KLHL1: variants seen among roughly 807,000 people sequenced by gnomAD.
KLHL1 encodes kelch-like protein 1.
In KLHL1, 47 loss-of-function variants were observed where a neutral mutation model predicts 77.7. The ratio of observed to expected loss-of-function variants is 0.60; its 90% confidence interval spans 0.48 to 0.77. KLHL1 has a LOEUF of 0.77. Among genes scored for constraint, KLHL1 ranks in the 30% least tolerant of loss-of-function variants. The probability of loss-of-function intolerance (pLI) is 0.00; values close to 1 mark genes in which losing one functional copy is unlikely to be tolerated. For synonymous variants in KLHL1, 360 were observed against 325.2 expected, an observed-to-expected ratio of 1.11 and a Z score of -1.15; for missense variants, 925 against 910.8, an observed-to-expected ratio of 1.02 and a Z score of -0.20.
chr13:69,892,296 A>T (rs113849307), intron 4 of KLHL1, among the ~76,000 whole-genome samples: 12 of 152,148 alleles, frequency 7.9e-5, no homozygotes, highest in African/African-American at 2.9e-4. Flanking sequence ...TGAGACAATA[A>T]CACACCTATG....
At chr13:69,982,963 TAA>T (rs375482776) in intron 1 of KLHL1, among the ~76,000 whole-genome samples, 200 of 152,240 alleles carry the variant, frequency 1.3e-3, no homozygotes, top group African/African-American at 4.7e-3. Flanking sequence ...TAGAAAACCT[TAA>T]AGAGTCCACC....
At chr13:69,845,344 A>C (rs2911505) in intron 5 of KLHL1, among the ~76,000 whole-genome samples, 141,892 of 151,546 alleles carry the variant, frequency 0.94, 67,149 homozygotes, top group East Asian at 1. Flanking sequence ...GCTACAAATA[A>C]ATTGCAAATT....
intron 7 of KLHL1, among the ~76,000 whole-genome samples, chr13:69,784,580 G>A (rs1876410862): frequency 6.6e-6 from 1 of 151,280 alleles, no homozygotes; most frequent in African/African-American, 2.4e-5. Flanking sequence ...GATCAAAAGA[G>A]ACAAAGAAGG....
intron 1 of KLHL1, among the ~76,000 whole-genome samples, chr13:69,997,424 A>G (rs959239883): frequency 4.0e-5 from 6 of 151,478 alleles, no homozygotes; most frequent in African/African-American, 1.2e-4. Flanking sequence ...TTCATCTTGC[A>G]TAACTAAATA....
chr13:69,941,083 G>C (rs1288853671), intron 3 of KLHL1, among the ~76,000 whole-genome samples: 1 of 151,820 alleles, frequency 6.6e-6, no homozygotes. Context: ...GTATAACAAT[G>C]AACCTAAACT....
chr13:69,916,482 T>C (rs1882441412), intron 4 of KLHL1, among the ~76,000 whole-genome samples: 1 of 150,786 alleles, frequency 6.6e-6, no homozygotes, highest in Non-Finnish European at 1.5e-5. Flanking sequence ...CAGCAAACTA[T>C]CGCAAGGACA....
intron 1 of KLHL1, among the ~76,000 whole-genome samples, chr13:70,072,372 A>C (rs534860420): frequency 7.2e-5 from 11 of 152,284 alleles, no homozygotes; most frequent in African/African-American, 2.6e-4. Context: ...TTAAGGTAGA[A>C]ATGATGCCAT....
At chr13:69,884,941 T>TAAATAATATTCCAATAA (rs1278462054) in intron 4 of KLHL1, among the ~76,000 whole-genome samples, 26 of 144,188 alleles carry the variant, frequency 1.8e-4, no homozygotes, top group African/African-American at 5.4e-4. Flanking sequence ...TTTCTTTTTT[T>TAAATAATATTCCAATAA]TTTTTTTTTT....
chr13:70,070,002 A>G (rs2137416504), intron 1 of KLHL1, among the ~76,000 whole-genome samples: 1 of 152,028 alleles, frequency 6.6e-6, no homozygotes, highest in East Asian at 1.9e-4. Flanking sequence ...CCCCGTCTCC[A>G]CTAAAAACAC....
At chr13:69,993,553 T>C (rs1310344165) in intron 1 of KLHL1, among the ~76,000 whole-genome samples, 1 of 152,056 alleles carries the variant, frequency 6.6e-6, no homozygotes, top group Non-Finnish European at 1.5e-5. Flanking sequence ...TATGAAACTT[T>C]CCCTTCATAT....
intron 1 of KLHL1, among the ~76,000 whole-genome samples, chr13:69,981,906 A>C (rs908137958): frequency 4.0e-5 from 6 of 151,622 alleles, no homozygotes; most frequent in African/African-American, 1.5e-4. Context: ...TCTTTAAAAT[A>C]AAAAGATTAA....
intron 1 of KLHL1, among the ~76,000 whole-genome samples, chr13:70,039,849 C>A (rs2137377913): frequency 6.6e-6 from 1 of 152,030 alleles, no homozygotes; most frequent in East Asian, 1.9e-4. Flanking sequence ...CCATATGGGC[C>A]AGGCTGGTCT....
chr13:69,786,554 T>C (rs996249814), intron 7 of KLHL1, among the ~76,000 whole-genome samples: 30 of 152,296 alleles, frequency 2.0e-4, no homozygotes, highest in African/African-American at 6.5e-4. Context: ...AATATCGTAC[T>C]GAATGGGCAA....
chr13:69,796,635 C>A, intron 7 of KLHL1, 103 bp downstream of exon 7: 6 of 892,804 alleles, frequency 6.7e-6, no homozygotes, highest in Non-Finnish European at 1.0e-5. Context: ...TCCTTTATCG[C>A]AACACAAATT....
At chr13:69,810,012 G>A (rs2138060390) in intron 6 of KLHL1, among the ~76,000 whole-genome samples, 1 of 152,040 alleles carries the variant, frequency 6.6e-6, no homozygotes, top group East Asian at 1.9e-4. Flanking sequence ...AAATATATAT[G>A]CCCCCAACAT....
intron 4 of KLHL1, among the ~76,000 whole-genome samples, chr13:69,925,558 G>T (rs1882788269): frequency 6.6e-6 from 1 of 152,008 alleles, no homozygotes; most frequent in South Asian, 2.1e-4. Context: ...ACTGTTGAAG[G>T]ATTATTTAAT....
intron 10 of KLHL1, among the ~76,000 whole-genome samples, chr13:69,705,678 T>A (rs1410189084): frequency 6.6e-6 from 1 of 151,718 alleles, no homozygotes; most frequent in East Asian, 1.9e-4. Context: ...AATCTTAAAG[T>A]AACTTAACAG....
At chr13:69,933,973 G>T (rs555848662) in intron 4 of KLHL1, among the ~76,000 whole-genome samples, 20 of 151,834 alleles carry the variant, frequency 1.3e-4, no homozygotes, top group Admixed American at 2.6e-4. Flanking sequence ...TATTGAATAG[G>T]GCATGAAATC....
chr13:69,979,237 T>C (rs984952746), intron 1 of KLHL1, among the ~76,000 whole-genome samples: 3 of 152,034 alleles, frequency 2.0e-5, no homozygotes, highest in Non-Finnish European at 4.4e-5. Flanking sequence ...GCATTAAGTT[T>C]CTTCATATTG....
Sources: gnomAD v4.1 joint callset for allele counts (sites outside exome capture counted in the v4.1 genomes callset) on GRCh38, gnomAD v4.1.1 for gene constraint, MANE v1.5 for transcripts, NCBI Gene and HGNC (gene_info 2026-07-23, HGNC 2026-07-21) for gene names.